The following RFTN2 variants were observed in gnomAD, a reference collection of about 807,000 sequenced individuals.
RFTN2 encodes raftlin-2.
In RFTN2, 34 loss-of-function variants were observed where a neutral mutation model predicts 52.7. The ratio of observed to expected loss-of-function variants is 0.64; its 90% confidence interval spans 0.49 to 0.86. RFTN2 has a LOEUF of 0.86. Among genes scored for constraint, RFTN2 ranks in the 40% least tolerant of loss-of-function variants. The pLI is 0.00. For missense variants in RFTN2, 536 were observed against 600.1 expected (o/e 0.89, Z 1.12); for synonymous variants, 203 against 217.7 (o/e 0.93, Z 0.59).
chr2:197,620,592 A>T (rs1022200889), intron 5 of RFTN2, among the ~76,000 whole-genome samples: 1 of 152,216 alleles, frequency 6.6e-6, no homozygotes, highest in Non-Finnish European at 1.5e-5. Context: ...TAAGAGATAA[A>T]TCATTATTAT....
intron 3 of RFTN2, among the ~76,000 whole-genome samples, chr2:197,634,681 G>A (rs1039613450): frequency 1.3e-5 from 2 of 149,752 alleles, no homozygotes; most frequent in Non-Finnish European, 3.0e-5. Context: ...ACTTAAGAAT[G>A]CTTATTTTTT....
chr2:197,619,913 T>C (rs2088232631), intron 5 of RFTN2, among the ~76,000 whole-genome samples: 1 of 147,398 alleles, frequency 6.8e-6, no homozygotes, highest in Admixed American at 6.8e-5. Flanking sequence ...ACTATACATA[T>C]AAAAACTACA....
chr2:197,575,190 C>T (rs934686162), intron 8 of RFTN2, among the ~76,000 whole-genome samples: 5 of 152,266 alleles, frequency 3.3e-5, no homozygotes, highest in South Asian at 4.1e-4. Flanking sequence ...TCTTGCCTGC[C>T]GCCATGTAAG....
At chr2:197,576,985 A>T (rs1048720367) in intron 8 of RFTN2, among the ~76,000 whole-genome samples, 5 of 152,374 alleles carry the variant, frequency 3.3e-5, no homozygotes, top group Middle Eastern at 3.4e-3. Flanking sequence ...GCTCACTGAG[A>T]TAAATGGATA....
chr2:197,628,650 G>T (rs1200146534), intron 5 of RFTN2, among the ~76,000 whole-genome samples: 1 of 152,118 alleles, frequency 6.6e-6, no homozygotes, highest in Non-Finnish European at 1.5e-5. Flanking sequence ...GAGATATTAT[G>T]AAGCATAAAC....
intron 3 of RFTN2, among the ~76,000 whole-genome samples, chr2:197,634,702 T>A (rs572281784): frequency 5.0e-4 from 73 of 144,874 alleles, no homozygotes; most frequent in Non-Finnish European, 8.3e-4. Flanking sequence ...ATTTTTTATT[T>A]TTTTTTTATT....
intron 1 of RFTN2, among the ~76,000 whole-genome samples, chr2:197,658,908 A>C (rs2088932600): frequency 6.6e-6 from 1 of 152,228 alleles, no homozygotes; most frequent in Non-Finnish European, 1.5e-5. Flanking sequence ...GTTATTATTA[A>C]AATTAAAACA....
intron 7 of RFTN2, among the ~76,000 whole-genome samples, chr2:197,600,047 T>C (rs1298309414): frequency 1.3e-5 from 2 of 151,854 alleles, no homozygotes; most frequent in Admixed American, 6.6e-5. Context: ...TTAGTAGAGA[T>C]GGGGTTTCAC....
At chr2:197,607,011 C>T (rs2087972328) in intron 7 of RFTN2, among the ~76,000 whole-genome samples, 2 of 152,310 alleles carry the variant, frequency 1.3e-5, no homozygotes, top group Non-Finnish European at 2.9e-5. Context: ...AATCATGCTG[C>T]TATAAAGACA....
chr2:197,640,624 G>C (rs1423807116), intron 3 of RFTN2, among the ~76,000 whole-genome samples: 7 of 148,206 alleles, frequency 4.7e-5, no homozygotes, highest in Non-Finnish European at 1.0e-4. Context: ...ACTGACCTGC[G>C]CCCACTGTCT....
At chr2:197,629,679 C>T (rs2088430509) in intron 5 of RFTN2, among the ~76,000 whole-genome samples, 1 of 146,812 alleles carries the variant, frequency 6.8e-6, no homozygotes, top group Admixed American at 6.9e-5. Context: ...TTTTTATACA[C>T]ACACACACAC....
At chr2:197,582,815 A>G (rs1286569344) in intron 8 of RFTN2, among the ~76,000 whole-genome samples, 3 of 152,174 alleles carry the variant, frequency 2.0e-5, no homozygotes, top group Non-Finnish European at 4.4e-5. Context: ...TCACTGCAAG[A>G]GCCATCAAAA....
chr2:197,575,940 A>G (rs1353016917), intron 8 of RFTN2, among the ~76,000 whole-genome samples: 3 of 138,342 alleles, frequency 2.2e-5, no homozygotes, highest in African/African-American at 8.0e-5. Context: ...AAAAAGGGAA[A>G]GCACAACAAG....
At chr2:197,611,888 G>A (rs2088067095) in intron 7 of RFTN2, among the ~76,000 whole-genome samples, 1 of 152,180 alleles carries the variant, frequency 6.6e-6, no homozygotes, top group African/African-American at 2.4e-5. Context: ...TCAATAAGGA[G>A]CAGGGTGTTC....
At chr2:197,577,485 C>T (rs1263069400) in intron 8 of RFTN2, among the ~76,000 whole-genome samples, 4 of 152,166 alleles carry the variant, frequency 2.6e-5, no homozygotes, top group Non-Finnish European at 5.9e-5. Flanking sequence ...TTAATATATG[C>T]GGTGGAACCT....
chr2:197,602,964 A>G (rs1429128075), intron 7 of RFTN2, among the ~76,000 whole-genome samples: 1 of 152,208 alleles, frequency 6.6e-6, no homozygotes, highest in Non-Finnish European at 1.5e-5. Context: ...TCAGCAAACT[A>G]TCACAAGGAC....
chr2:197,625,175 C>T (rs1227548118), intron 5 of RFTN2, among the ~76,000 whole-genome samples: 1 of 152,132 alleles, frequency 6.6e-6, no homozygotes, highest in Admixed American at 6.5e-5. Flanking sequence ...ATTCATCTTA[C>T]ATAAAAGCCA....
chr2:197,594,312 C>T (rs1348052266), intron 8 of RFTN2, among the ~76,000 whole-genome samples: 1 of 151,952 alleles, frequency 6.6e-6, no homozygotes, highest in Non-Finnish European at 1.5e-5. Flanking sequence ...CCACGCTGGG[C>T]CAGAATATTT....
At chr2:197,580,625 C>T (rs1269311646) in intron 8 of RFTN2, among the ~76,000 whole-genome samples, 8 of 152,206 alleles carry the variant, frequency 5.3e-5, no homozygotes, top group Admixed American at 3.9e-4. Context: ...GCCTCCTGGA[C>T]CATCACAGAC....
Sources: gnomAD v4.1 joint callset for allele counts (sites outside exome capture counted in the v4.1 genomes callset) on GRCh38, gnomAD v4.1.1 for gene constraint, MANE v1.5 for transcripts, NCBI Gene and HGNC (gene_info 2026-07-23, HGNC 2026-07-21) for gene names.